GABRG3: variants seen among roughly 807,000 people sequenced by gnomAD.
The protein encoded by GABRG3 is gamma-aminobutyric acid type A receptor subunit gamma3.
GABRG3 carries 25 observed loss-of-function variants against 48.8 expected under a neutral mutation model. The ratio of observed to expected loss-of-function variants is 0.51; its 90% confidence interval spans 0.37 to 0.72. GABRG3 has a LOEUF of 0.72. Ranked by LOEUF, GABRG3 falls within the 30% of genes least tolerant of loss-of-function variation. GABRG3 has a pLI of 0.00. For synonymous variants in GABRG3, 227 were observed against 217.6 expected (o/e 1.04, Z -0.38); for missense variants, 394 against 577.9 (o/e 0.68, Z 3.26).
At chr15:27,097,214 G>C (rs1471339989) in intron 3 of GABRG3, among the ~76,000 whole-genome samples, 1 of 151,946 alleles carries the variant, frequency 6.6e-6, no homozygotes, top group Non-Finnish European at 1.5e-5. Context: ...GCAGATACTT[G>C]GAGATGCTGG....
At position 27,027,105 on chromosome 15, in the gene GABRG3, C is replaced by T. The variant is rs1314109082; in HGVS notation, c.270+284C>T. 9 of 293,258 alleles carry T rather than the reference C, an allele frequency of 3.1e-5. No homozygotes were observed. In the East Asian group the frequency reaches 4.3e-4, roughly 14 times the overall value. The allele number at this position is 293,258 out of a possible 1,614,324, so 18.2% of individuals were successfully genotyped here. On this transcript the variant is annotated intron_variant, in intron 3 of 9. Transcript: ENST00000615808. Reference sequence around the variant, plus strand: ...AGGATTCGAGATCACTCAGATTATACTTTTGTCTTCAGTTTGGACTTTGAG... The same window carrying T: ...AGGATTCGAGATCACTCAGATTATATTTTTGTCTTCAGTTTGGACTTTGAG...
At chr15:27,338,926 G>A (rs1490755825) in intron 5 of GABRG3, among the ~76,000 whole-genome samples, 2 of 152,188 alleles carry the variant, frequency 1.3e-5, no homozygotes, top group African/African-American at 4.8e-5. Flanking sequence ...CATATCTGGT[G>A]TGTGTATTAT....
chr15:27,063,641 C>T (rs1410218323), intron 3 of GABRG3, among the ~76,000 whole-genome samples: 1 of 152,228 alleles, frequency 6.6e-6, no homozygotes, highest in Non-Finnish European at 1.5e-5. Context: ...GCAGTTAAAC[C>T]TCTTTTCTTC....
chr15:27,157,257 T>G (rs1259878324), intron 3 of GABRG3, among the ~76,000 whole-genome samples: 1 of 152,242 alleles, frequency 6.6e-6, no homozygotes, highest in Non-Finnish European at 1.5e-5. Context: ...CTCATAAGAT[T>G]TATCTAGCGT....
At chr15:27,491,762 C>T (rs915792002) in intron 6 of GABRG3, among the ~76,000 whole-genome samples, 1 of 152,080 alleles carries the variant, frequency 6.6e-6, no homozygotes, top group Middle Eastern at 3.4e-3. Context: ...AACAAAAAAC[C>T]GACAAACAAA....
intron 2 of GABRG3, among the ~76,000 whole-genome samples, chr15:26,999,098 A>G (rs1330317339): frequency 6.6e-6 from 1 of 151,640 alleles, no homozygotes; most frequent in Non-Finnish European, 1.5e-5. Context: ...TTCTGCATCC[A>G]TGGATTAAAC....
Position 27,407,263 on chromosome 15 carries a change from A to T in GABRG3, c.575-73387A>T, listed in dbSNP as rs1023084880. Among the ~76,000 whole-genome samples, 8 of 152,260 alleles carry T rather than the reference A, an allele frequency of 5.3e-5. No individual in the cohort carries two copies. In the East Asian group the frequency reaches 1.5e-3, roughly 29 times the overall value. Reference sequence around the variant, plus strand: ...TTTATTAAAAAAATAATTGGCTGCCACTTACTACACACCTACTGGAATGGG... The same window carrying T: ...TTTATTAAAAAAATAATTGGCTGCCTCTTACTACACACCTACTGGAATGGG... On this transcript the variant is annotated intron_variant, in intron 5 of 9. Transcript: ENST00000615808.
intron 6 of GABRG3, among the ~76,000 whole-genome samples, chr15:27,501,158 A>C (rs886967937): frequency 2.6e-5 from 4 of 152,038 alleles, no homozygotes; most frequent in Non-Finnish European, 5.9e-5. Context: ...TCACCGTGTT[A>C]ACCAGGATGG....
intron 3 of GABRG3, among the ~76,000 whole-genome samples, chr15:27,253,747 G>A (rs1388978927): frequency 1.3e-5 from 2 of 152,212 alleles, no homozygotes; most frequent in South Asian, 2.1e-4. Context: ...CAAGTCGGGG[G>A]CTCAGGCCTT....
chr15:27,166,846 G>A lies in GABRG3; in HGVS notation c.270+140025G>A, dbSNP rs182107724. On this transcript the variant is annotated intron_variant, in intron 3 of 9. Coordinates refer to ENST00000615808, the MANE Select transcript of GABRG3 (RefSeq NM_033223.5). ...GACAAAGCACTGAGTTCCTTAGCAC[G>A]TATTTTAAAGATGATAGGATGTCTC... Among the ~76,000 whole-genome samples the A allele has an allele frequency of 2.0e-4, 31 of 152,236 alleles. No individual in the cohort carries two copies. In the East Asian group the frequency reaches 4.4e-3, roughly 22 times the overall value.
At chr15:27,278,220 T>A (rs1331991961) in intron 3 of GABRG3, among the ~76,000 whole-genome samples, 1 of 151,916 alleles carries the variant, frequency 6.6e-6, no homozygotes, top group Admixed American at 6.6e-5. Flanking sequence ...CCCGGCTAAT[T>A]TTTGTATTTT....
At chr15:27,092,475 T>C (rs1897204432) in intron 3 of GABRG3, among the ~76,000 whole-genome samples, 1 of 152,204 alleles carries the variant, frequency 6.6e-6, no homozygotes, top group Non-Finnish European at 1.5e-5. Flanking sequence ...GACAGCTGTT[T>C]GCTGTCAGGT....
chr15:27,355,732 G>T (rs991447425), intron 5 of GABRG3, among the ~76,000 whole-genome samples: 2 of 152,138 alleles, frequency 1.3e-5, no homozygotes, highest in Non-Finnish European at 2.9e-5. Context: ...GATGTCTATC[G>T]CTAATGAATG....
chr15:27,181,570 C>T (rs1282427566), intron 3 of GABRG3, among the ~76,000 whole-genome samples: 2 of 152,222 alleles, frequency 1.3e-5, no homozygotes, highest in African/African-American at 4.8e-5. Flanking sequence ...TTGTTCTATG[C>T]TATATGCAAA....
chr15:27,315,749 G>A (rs1385893201), intron 3 of GABRG3, among the ~76,000 whole-genome samples: 1 of 152,124 alleles, frequency 6.6e-6, no homozygotes, highest in Non-Finnish European at 1.5e-5. Context: ...TTATACAACT[G>A]TTCACACTTT....
intron 3 of GABRG3, among the ~76,000 whole-genome samples, chr15:27,241,944 G>C (rs1890139514): frequency 6.6e-6 from 1 of 152,198 alleles, no homozygotes; most frequent in Admixed American, 6.5e-5. Context: ...TAGTAACAGA[G>C]ACTGAATATC....
chr15:27,066,030 CT>C (rs1896732435), intron 3 of GABRG3, among the ~76,000 whole-genome samples: 1 of 152,178 alleles, frequency 6.6e-6, no homozygotes, highest in African/African-American at 2.4e-5. Flanking sequence ...CATGATCATA[CT>C]CCTATACTGT....
intron 6 of GABRG3, among the ~76,000 whole-genome samples, chr15:27,501,552 C>T (rs8034832): frequency 0.1 from 15,245 of 152,048 alleles, 1,469 homozygotes; most frequent in East Asian, 0.33. Context: ...CAATCTACTG[C>T]ATTTAAGTCA....
intron 5 of GABRG3, among the ~76,000 whole-genome samples, chr15:27,411,142 T>A (rs2140599006): frequency 6.6e-6 from 1 of 152,254 alleles, no homozygotes; most frequent in Admixed American, 6.5e-5. Context: ...TTCACCTGCC[T>A]CTTGCTTGCC....
Sources: allele counts gnomAD v4.1 joint callset (sites outside exome capture counted in the v4.1 genomes callset), GRCh38; gene constraint gnomAD v4.1.1; transcripts MANE v1.5; gene names NCBI Gene and HGNC (gene_info 2026-07-23, HGNC 2026-07-21).